CFAP299: variants seen among roughly 807,000 people sequenced by gnomAD.
CFAP299 encodes the protein cilia and flagella associated protein 299.
In CFAP299, 21 loss-of-function variants were observed where a neutral mutation model predicts 27.0. The observed-to-expected ratio is 0.78, with a 90% confidence interval of 0.55 to 1.12. CFAP299 has a LOEUF of 1.12. Among genes scored for constraint, CFAP299 ranks in the 50% most tolerant of loss-of-function variants. CFAP299 has a pLI of 0.00. For synonymous variants in CFAP299, 104 were observed against 98.1 expected, an observed-to-expected ratio of 1.06 and a Z score of -0.36; for missense variants, 310 against 276.6, an observed-to-expected ratio of 1.12 and a Z score of -0.86.
At chr4:80,326,072 G>T in the CFAP299 span, among the ~76,000 whole-genome samples, 5 of 152,130 alleles carry the variant, frequency 3.3e-5, no homozygotes, top group Non-Finnish European at 5.9e-5. Context: ...TGCATGTAAA[G>T]CAGTTCTTTC....
chr4:80,463,498 A>G (rs1729556336), intron 2 of CFAP299, among the ~76,000 whole-genome samples: 1 of 152,194 alleles, frequency 6.6e-6, no homozygotes, highest in Non-Finnish European at 1.5e-5. Flanking sequence ...GTAACAAAAT[A>G]CTACACAGTC....
In CFAP299 at chr4:80,724,264, T is replaced by C. The variant is rs191675120; in HGVS notation, c.333+141081T>C. Among the ~76,000 whole-genome samples the C allele has an allele frequency of 3.7e-3, 570 of 152,216 alleles. 1 individual carries two copies. The highest frequency in any genetic ancestry group is 0.013 in the African/African-American group (531 of 41,560). Reference sequence around the variant, plus strand: ...AGCTTGAGTTTATACTTAAAATGAATGAATGTAGCAGAACGGCATGTGTCA... The same window carrying C: ...AGCTTGAGTTTATACTTAAAATGAACGAATGTAGCAGAACGGCATGTGTCA... On this transcript the variant is annotated intron_variant, in intron 3 of 5. Coordinates refer to ENST00000358105, the MANE Select transcript of CFAP299 (RefSeq NM_152770.3).
chr4:80,458,457 C>T (rs761857566), intron 2 of CFAP299, among the ~76,000 whole-genome samples: 1 of 152,066 alleles, frequency 6.6e-6, no homozygotes, highest in African/African-American at 2.4e-5. Flanking sequence ...AATCTTATTT[C>T]TGAAAAAATC....
rs552352955 is a variant in CFAP299 at position 80,345,270 on chromosome 4, G to GTTATTA, written c.111+9408_111+9413dup. On this transcript the variant is annotated intron_variant, in intron 1 of 5. Transcript: ENST00000358105. Reference sequence around the variant, plus strand: ...TGTCCCAGCCCAACAGTTTCTTTTTGTTATTATTATTATTATTATTATACT... The same window carrying GTTATTA: ...TGTCCCAGCCCAACAGTTTCTTTTTGTTATTATTATTATTATTATTATTATTATACT... Among the ~76,000 whole-genome samples, 18 of 150,742 alleles carry GTTATTA rather than the reference G, an allele frequency of 1.2e-4. No homozygotes were observed. The South Asian group carries it at 2.1e-3, about 18-fold the overall frequency.
At chr4:80,454,005 G>A (rs1729027609) in intron 2 of CFAP299, among the ~76,000 whole-genome samples, 2 of 152,032 alleles carry the variant, frequency 1.3e-5, no homozygotes, top group Admixed American at 1.3e-4. Flanking sequence ...ATCACGTGTT[G>A]TTATGTCCTT....
At chr4:80,751,385 AG>A (rs1724919968) in intron 3 of CFAP299, among the ~76,000 whole-genome samples, 2 of 152,154 alleles carry the variant, frequency 1.3e-5, no homozygotes, top group Non-Finnish European at 2.9e-5. Context: ...TTCCTCATGC[AG>A]ATCTTTTGTA....
At chr4:80,807,254 C>T (rs967172160) in intron 3 of CFAP299, among the ~76,000 whole-genome samples, 7 of 152,014 alleles carry the variant, frequency 4.6e-5, no homozygotes, top group Non-Finnish European at 1.0e-4. Context: ...ATTTTGCCTA[C>T]AGATAAAGCC....
chr4:80,443,496 G>A (rs1194925015), intron 2 of CFAP299, among the ~76,000 whole-genome samples: 3 of 152,100 alleles, frequency 2.0e-5, no homozygotes, highest in Non-Finnish European at 4.4e-5. Flanking sequence ...CATGCTAAAA[G>A]CACTCAATAA....
intron 2 of CFAP299, among the ~76,000 whole-genome samples, chr4:80,576,197 A>AAATATATATATATATAT (rs980515680): frequency 3.1e-5 from 1 of 32,460 alleles, no homozygotes; most frequent in African/African-American, 6.1e-5. Context: ...TAAAAAAAAA[A>AAATATATATATATATAT]ATATATATAT....
intron 4 of CFAP299, among the ~76,000 whole-genome samples, chr4:80,888,512 C>A (rs542602220): frequency 6.6e-6 from 1 of 152,112 alleles, no homozygotes; most frequent in Non-Finnish European, 1.5e-5. Flanking sequence ...GATCCCAATA[C>A]AATAATATCT....
At chr4:80,755,171 T>G (rs1725162486) in intron 3 of CFAP299, among the ~76,000 whole-genome samples, 1 of 152,096 alleles carries the variant, frequency 6.6e-6, no homozygotes, top group African/African-American at 2.4e-5. Context: ...TATTTTTGTC[T>G]GATTATGTAA....
At chr4:80,835,240 C>T (rs893907722) in intron 3 of CFAP299, among the ~76,000 whole-genome samples, 1 of 152,224 alleles carries the variant, frequency 6.6e-6, no homozygotes, top group South Asian at 2.1e-4. Flanking sequence ...GCTGGGACTA[C>T]AGGCGCCCGT....
intron 3 of CFAP299, among the ~76,000 whole-genome samples, chr4:80,695,060 T>G (rs1301001843): frequency 2.0e-5 from 3 of 152,166 alleles, no homozygotes; most frequent in Non-Finnish European, 2.9e-5. Context: ...GTAGCATCAT[T>G]TTAAAAAATG....
At chr4:80,671,941 A>C (rs992694984) in intron 3 of CFAP299, among the ~76,000 whole-genome samples, 2 of 152,154 alleles carry the variant, frequency 1.3e-5, no homozygotes, top group Admixed American at 6.5e-5. Flanking sequence ...TCATCATGTC[A>C]TCTGCACACA....
rs183830322 is a variant in CFAP299, at chr4:80,514,862, T to C, written c.243-68231T>C. On this transcript the variant is annotated intron_variant, in intron 2 of 5. Coordinates refer to ENST00000358105, the MANE Select transcript of CFAP299 (RefSeq NM_152770.3). Reference sequence around the variant, plus strand: ...TCTGGAATAAGTAAAAAAATAGTAATTTAGTAATCTCAAATTATTTTATAA... The same window carrying C: ...TCTGGAATAAGTAAAAAAATAGTAACTTAGTAATCTCAAATTATTTTATAA... Among the ~76,000 whole-genome samples, 115 of 152,202 alleles carry C rather than the reference T, an allele frequency of 7.6e-4. 1 individual carries two copies. Among genetic ancestry groups the C allele is most frequent in the African/African-American group, 2.7e-3 (111 of 41,564 alleles).
intron 2 of CFAP299, among the ~76,000 whole-genome samples, chr4:80,438,959 C>T (rs2110084783): frequency 6.6e-6 from 1 of 152,174 alleles, no homozygotes; most frequent in Middle Eastern, 3.4e-3. Flanking sequence ...CAAATAGAAT[C>T]ATTTTTTAAA....
At chr4:80,671,778 A>G (rs571079695) in intron 3 of CFAP299, among the ~76,000 whole-genome samples, 1 of 152,304 alleles carries the variant, frequency 6.6e-6, no homozygotes, top group African/African-American at 2.4e-5. Context: ...GAGTTCACTC[A>G]TGATTTGGCT....
chr4:80,819,118 G>A (rs537096765), intron 3 of CFAP299, among the ~76,000 whole-genome samples: 3 of 152,084 alleles, frequency 2.0e-5, no homozygotes, highest in African/African-American at 4.8e-5. Flanking sequence ...GCAAGAGAAC[G>A]CTGGAAGTGA....
intron 3 of CFAP299, among the ~76,000 whole-genome samples, chr4:80,782,610 ATT>A (rs1488519668): frequency 7.8e-6 from 1 of 127,606 alleles, no homozygotes; most frequent in Non-Finnish European, 1.7e-5. Context: ...ATATACATAT[ATT>A]AATATATAAT....
Sources: gnomAD v4.1 joint callset for allele counts (sites outside exome capture counted in the v4.1 genomes callset) on GRCh38, gnomAD v4.1.1 for gene constraint, MANE v1.5 for transcripts, NCBI Gene and HGNC (gene_info 2026-07-23, HGNC 2026-07-21) for gene names.